PDLIM5: variants seen among roughly 807,000 people sequenced by gnomAD.
PDLIM5 encodes PDZ and LIM domain 5, also known as PDZ and LIM domain protein 5.
PDLIM5 carries 34 observed loss-of-function variants against 64.2 expected under a neutral mutation model. That is an observed-to-expected ratio of 0.53 (90% CI 0.40 to 0.71). The LOEUF (loss-of-function observed/expected upper bound fraction) is 0.71, where lower values mean the gene tolerates loss of function less well. Among genes scored for constraint, PDLIM5 ranks in the 30% least tolerant of loss-of-function variants. The pLI, the probability that PDLIM5 is intolerant of heterozygous loss-of-function variation, is 0.00. For synonymous variants in PDLIM5, 253 were observed against 269.1 expected (o/e 0.94, Z 0.59); for missense variants, 683 against 733.6 (o/e 0.93, Z 0.80).
At chr4:94,654,260 G>T (rs1742046870) in intron 9 of PDLIM5, among the ~76,000 whole-genome samples, 200 bp from the exon 10 acceptor site, 1 of 152,102 alleles carries the variant, frequency 6.6e-6, no homozygotes, top group Non-Finnish European at 1.5e-5. Flanking sequence ...TCCCTTAAGT[G>T]CACGTCTCCC....
chr4:94,628,899 G>A (rs1172671111), intron 8 of PDLIM5, among the ~76,000 whole-genome samples: 3 of 151,872 alleles, frequency 2.0e-5, no homozygotes, highest in Middle Eastern at 3.4e-3. Context: ...CATGCATTAT[G>A]TCTCAGTTTT....
rs1049537085 is a variant in PDLIM5, at chr4:94,666,961, G to A, written c.*2894G>A. The stretch of plus-strand genomic sequence containing the variant: ...GAATGCCATATTTAATTCACCAGCA[G>A]TAATCCTTTAATAACTGGCAGAGCA... On this transcript the variant is annotated 3_prime_UTR_variant, in exon 13 of 13. Coordinates refer to ENST00000317968, the MANE Select transcript of PDLIM5 (RefSeq NM_006457.5). 1.3e-5 allele frequency: 2 copies of A among 152,194 alleles called. No homozygotes were observed. Among genetic ancestry groups the A allele is most frequent in the East Asian group, 1.9e-4 (1 of 5,200 alleles). The allele number at this position is 152,194 out of a possible 1,614,324, so 9.4% of individuals were successfully genotyped here.
chr4:94,533,002 C>CA (rs542047567), intron 3 of PDLIM5, among the ~76,000 whole-genome samples: 44 of 151,990 alleles, frequency 2.9e-4, no homozygotes, highest in African/African-American at 1.0e-3. Context: ...GACTCTGTCT[C>CA]AAAAAAAGAA....
At chr4:94,475,374 G>A (rs1281154943) in intron 2 of PDLIM5, among the ~76,000 whole-genome samples, 1 of 152,148 alleles carries the variant, frequency 6.6e-6, no homozygotes, top group Non-Finnish European at 1.5e-5. Flanking sequence ...AACAAAAATT[G>A]GCAGTTGATT....
At position 94,579,369 on chromosome 4, in the gene PDLIM5, G is replaced by A. The variant is rs934263709; in HGVS notation, c.710+3335G>A. The A allele has an allele frequency of 7.3e-6, 3 of 411,248 alleles. No individual in the cohort carries two copies. The Admixed American group carries it at 1.3e-4, about 18-fold the overall frequency. The allele number at this position is 411,248 out of a possible 1,614,324, so 25.5% of individuals were successfully genotyped here. On this transcript the variant is annotated intron_variant, in intron 5 of 12. Transcript: ENST00000317968. ...TTATAATGTGCCACTGCTTTCAAGA[G>A]GTAAGTCTTTTAGTATCTTATAATA...
chr4:94,638,663 T>G (rs1239301857), intron 8 of PDLIM5, among the ~76,000 whole-genome samples: 1 of 152,230 alleles, frequency 6.6e-6, no homozygotes, highest in African/African-American at 2.4e-5. Context: ...TAATTTGTAT[T>G]ATTTGTATGC....
intron 8 of PDLIM5, among the ~76,000 whole-genome samples, chr4:94,621,650 A>AT (rs1560746817): frequency 6.6e-6 from 1 of 152,162 alleles, no homozygotes; most frequent in Non-Finnish European, 1.5e-5. Context: ...GAAAAAGTTC[A>AT]TTTTTTTGAA....
At chr4:94,585,147 G>A (rs1736065691) in intron 5 of PDLIM5, 2 of 550,200 alleles carry the variant, frequency 3.6e-6, no homozygotes, top group Non-Finnish European at 6.5e-6. Context: ...CTGGAGTGCA[G>A]TGGTGCGATC....
intron 11 of PDLIM5, among the ~76,000 whole-genome samples, chr4:94,658,556 T>A (rs1422448803): frequency 6.6e-6 from 1 of 152,260 alleles, no homozygotes; most frequent in South Asian, 2.1e-4. Flanking sequence ...TTTATTGTTA[T>A]TCTACCTTGA....
chr4:94,664,841 G>A lies in PDLIM5; in HGVS notation c.*774G>A, dbSNP rs1742993144. 1.6e-6 allele frequency: 1 copy of A among 635,236 alleles called. No homozygotes were observed. The highest frequency in any genetic ancestry group is 2.0e-5 in the African/African-American group (1 of 50,492). The allele number at this position is 635,236 out of a possible 1,614,324, so 39.3% of individuals were successfully genotyped here. A position where few individuals can be genotyped will look rare whatever the true frequency, so the allele number is the denominator to read the frequency against. Reference sequence around the variant, plus strand: ...GCCAAGATCGTACCACTGCACTCCAGCCTGGGTGACAGAGTGAGACTCTGT... The same window carrying A: ...GCCAAGATCGTACCACTGCACTCCAACCTGGGTGACAGAGTGAGACTCTGT... On this transcript the variant is annotated 3_prime_UTR_variant, in exon 13 of 13. Transcript: ENST00000317968.
chr4:94,520,028 G>A (rs1043423607), intron 2 of PDLIM5, among the ~76,000 whole-genome samples: 10 of 152,114 alleles, frequency 6.6e-5, no homozygotes, highest in Admixed American at 1.3e-4. Flanking sequence ...AAGTTAATGG[G>A]GAGGCTTGGT....
intron 3 of PDLIM5, among the ~76,000 whole-genome samples, chr4:94,560,757 T>C (rs1733764154): frequency 6.6e-6 from 1 of 152,162 alleles, no homozygotes. Flanking sequence ...TGAGACGAAG[T>C]CTTGCTGTTG....
chr4:94,603,255 T>C (rs2110354888), intron 7 of PDLIM5, among the ~76,000 whole-genome samples: 1 of 152,288 alleles, frequency 6.6e-6, no homozygotes, highest in East Asian at 1.9e-4. Context: ...AAAATGTGTT[T>C]TGTTGTTTTT....
chr4:94,576,945 G>A (rs185949918), intron 5 of PDLIM5, among the ~76,000 whole-genome samples: 2 of 152,074 alleles, frequency 1.3e-5, no homozygotes, highest in African/African-American at 4.8e-5. Context: ...TGAGGAGCAA[G>A]GATTTAAGTT....
At position 94,664,578 on chromosome 4, in the gene PDLIM5, A is replaced by C. The variant is rs1742976367; in HGVS notation, c.*511A>C. ...AGTAATAGGTGTCAGTTTTTAAAAA[A>C]TTGCTTGTAGGCTGAGCGCGGTGGC... On this transcript the variant is annotated 3_prime_UTR_variant, in exon 13 of 13. Transcript: ENST00000317968. 2.4e-5 allele frequency: 21 copies of C among 868,944 alleles called. No individual in the cohort carries two copies. The highest frequency in any genetic ancestry group is 2.9e-5 in the Non-Finnish European group (21 of 724,046). 53.8% of individuals were successfully genotyped at this position (868,944 alleles called of 1,614,324 possible).
chr4:94,631,779 C>T (rs1483703645), intron 8 of PDLIM5, among the ~76,000 whole-genome samples: 1 of 152,198 alleles, frequency 6.6e-6, no homozygotes, highest in East Asian at 1.9e-4. Flanking sequence ...GTGACATACT[C>T]TTCTGGTTTT....
intron 2 of PDLIM5, among the ~76,000 whole-genome samples, chr4:94,483,148 G>A (rs1020787965): frequency 1.3e-5 from 2 of 152,090 alleles, no homozygotes; most frequent in African/African-American, 4.8e-5. Context: ...AGTGAGGAGA[G>A]AGGATGTGTT....
intron 4 of PDLIM5, 63 bp downstream of exon 4, chr4:94,573,456 C>A: frequency 8.5e-7 from 1 of 1,179,906 alleles, no homozygotes; most frequent in African/African-American, 1.5e-5. Flanking sequence ...ACTGTAATTC[C>A]CATTACTGTC....
intron 3 of PDLIM5, among the ~76,000 whole-genome samples, chr4:94,551,781 T>C (rs905976457): frequency 6.6e-6 from 1 of 152,052 alleles, no homozygotes; most frequent in African/African-American, 2.4e-5. Flanking sequence ...ATATGACCCA[T>C]AAAGGAAAAA....
Sources: gnomAD v4.1 joint callset for allele counts (sites outside exome capture counted in the v4.1 genomes callset) on GRCh38, gnomAD v4.1.1 for gene constraint, MANE v1.5 for transcripts, NCBI Gene and HGNC (gene_info 2026-07-23, HGNC 2026-07-21) for gene names.